ITGA2: variants seen among roughly 807,000 people sequenced by gnomAD.
ITGA2 encodes the protein integrin subunit alpha 2, also known as integrin alpha-2.
In ITGA2, 101 loss-of-function variants were observed where a neutral mutation model predicts 146.3. The ratio of observed to expected loss-of-function variants is 0.69; its 90% CI spans 0.59 to 0.81. The LOEUF (loss-of-function observed/expected upper bound fraction) is 0.81, where lower values mean the gene tolerates loss of function less well. ITGA2 is among the 40% of genes least tolerant of loss of function. The pLI is 0.00. For missense variants in ITGA2, 1,281 were observed against 1,402.7 expected (o/e 0.91, Z 1.39); for synonymous variants, 477 against 487.1 (o/e 0.98, Z 0.27).
At chr5:53,055,743 T>G in intron 8 of ITGA2, 55 bp downstream of exon 8, 1 of 1,589,434 alleles carries the variant, frequency 6.3e-7, no homozygotes, top group Non-Finnish European at 8.6e-7. Context: ...TCTTTCTTTA[T>G]AGCATCACTT....
At chr5:53,060,615 T>G (rs571682568) in intron 11 of ITGA2, among the ~76,000 whole-genome samples, 57 of 152,056 alleles carry the variant, frequency 3.7e-4, no homozygotes, top group African/African-American at 1.3e-3. Flanking sequence ...TCAAGAAATA[T>G]TTTTTGAATG....
At chr5:53,015,229 G>A (rs1561091463) in intron 1 of ITGA2, among the ~76,000 whole-genome samples, 1 of 152,014 alleles carries the variant, frequency 6.6e-6, no homozygotes, top group African/African-American at 2.4e-5. Context: ...TCATGTGTAT[G>A]TTTAGCACTA....
At chr5:53,026,933 A>G in intron 2 of ITGA2, 65 bp downstream of exon 2, 4 of 1,452,840 alleles carry the variant, frequency 2.8e-6, no homozygotes, top group African/African-American at 1.4e-5. Context: ...TTTGACTTCA[A>G]TTGCTTTTTC....
Position 52,989,503 on chromosome 5 carries a change from C to A in ITGA2, c.35C>A (p.Pro12Gln), listed in dbSNP as rs777997223. 54 of 1,613,388 alleles carry A rather than the reference C, an allele frequency of 3.3e-5. No individual in the cohort carries two copies. The highest frequency in any genetic ancestry group is 4.0e-5 in the Non-Finnish European group (47 of 1,179,814). The change falls in exon 1 of 30, where the codon CCG becomes CAG. Residue 12 changes from proline (P) to glutamine (Q), a missense_variant. Physicochemically the swap from Pro to Gln is moderately conservative, Grantham distance 76. Coordinates refer to ENST00000296585, the MANE Select transcript of ITGA2 (RefSeq NM_002203.4). ...GAACGGACAGGGGCCGCGCCGCTGC[C>A]GCTGCTGCTGGTGTTAGCGCTCAGT... ...GPERTGAAPL[P>Q]LLLVLALSQG...
chr5:52,994,047 T>C (rs765768034), intron 1 of ITGA2, among the ~76,000 whole-genome samples: 9 of 152,140 alleles, frequency 5.9e-5, no homozygotes, highest in Admixed American at 1.3e-4. Flanking sequence ...CATGAGACAA[T>C]AGACTCTGTG....
intron 17 of ITGA2, 123 bp downstream of exon 17, chr5:53,070,383 T>C (rs553790843): frequency 2.4e-6 from 2 of 840,502 alleles, no homozygotes; most frequent in East Asian, 2.6e-5. Flanking sequence ...GCCTTTCTTA[T>C]GTAATTCCAT....
At chr5:53,075,347 C>G (rs1290643817) in intron 23 of ITGA2, 43 bp downstream of exon 23, 2 of 1,503,998 alleles carry the variant, frequency 1.3e-6, no homozygotes, top group Non-Finnish European at 1.8e-6. Flanking sequence ...GACACCAACT[C>G]TAGATCAGAA....
chr5:52,991,575 C>T (rs552920561), intron 1 of ITGA2, among the ~76,000 whole-genome samples: 9 of 151,978 alleles, frequency 5.9e-5, no homozygotes, highest in East Asian at 3.9e-4. Flanking sequence ...TACAATATGC[C>T]GTGTTATGTA....
intron 1 of ITGA2, among the ~76,000 whole-genome samples, chr5:53,011,408 C>A (rs185268725): frequency 1.8e-4 from 27 of 152,282 alleles, no homozygotes; most frequent in African/African-American, 5.8e-4. Flanking sequence ...TACAAACAGA[C>A]TAAAGTACTG....
At chr5:53,044,776 C>T (rs1743992075) in intron 3 of ITGA2, among the ~76,000 whole-genome samples, 1 of 152,122 alleles carries the variant, frequency 6.6e-6, no homozygotes, top group Admixed American at 6.5e-5. Context: ...TCTCCAGAGC[C>T]CACTCCTTAC....
At chr5:53,070,360 C>T in intron 17 of ITGA2, 100 bp downstream of exon 17, 1 of 1,111,632 alleles carries the variant, frequency 9.0e-7, no homozygotes, top group Non-Finnish European at 1.4e-6. Context: ...AAATGCTCAC[C>T]CTTCCAATGA....
Position 53,091,499 on chromosome 5 carries a change from G to A in ITGA2, c.*900G>A, listed in dbSNP as rs1740419640. On this transcript the variant is annotated 3_prime_UTR_variant, in exon 30 of 30. Coordinates refer to ENST00000296585, the MANE Select transcript of ITGA2 (RefSeq NM_002203.4). ...GCAGTAACCTAGTGAATTTCTGAAA[G>A]ATGAGTAATTTCTTTGGCAACCTTC... 6.6e-6 allele frequency: 1 copy of A among 152,188 alleles called. No homozygotes were observed. The highest frequency in any genetic ancestry group is 1.5e-5 in the Non-Finnish European group (1 of 68,056). The allele number at this position is 152,188 out of a possible 1,614,324, so 9.4% of individuals were successfully genotyped here.
chr5:53,085,301 G>A (rs1746107474), intron 27 of ITGA2, among the ~76,000 whole-genome samples: 1 of 152,118 alleles, frequency 6.6e-6, no homozygotes, highest in Non-Finnish European at 1.5e-5. Flanking sequence ...GCTCCAAATT[G>A]ATGATAGAGT....
At chr5:53,069,971 A>G in intron 16 of ITGA2, 138 bp from the exon 17 acceptor site, 1 of 698,064 alleles carries the variant, frequency 1.4e-6, no homozygotes, top group South Asian at 1.7e-5. Context: ...GCTATGGTTC[A>G]CAAGCCACCA....
chr5:53,041,027 A>AT (rs1465565956), intron 2 of ITGA2, among the ~76,000 whole-genome samples: 3 of 152,154 alleles, frequency 2.0e-5, no homozygotes, highest in Admixed American at 2.0e-4. Context: ...AACATGGGGC[A>AT]TATGTTGTTT....
chr5:53,033,606 T>G (rs1188014596), intron 2 of ITGA2, among the ~76,000 whole-genome samples: 1 of 151,914 alleles, frequency 6.6e-6, no homozygotes, highest in African/African-American at 2.4e-5. Flanking sequence ...ATTAATTAAT[T>G]AATTAATTTG....
chr5:53,043,030 A>C (rs1258426222), intron 3 of ITGA2, among the ~76,000 whole-genome samples: 3 of 152,170 alleles, frequency 2.0e-5, no homozygotes, highest in African/African-American at 7.2e-5. Context: ...AATTTATGGC[A>C]CATAATAGGG....
intron 4 of ITGA2, among the ~76,000 whole-genome samples, chr5:53,045,752 G>T (rs1192704135): frequency 1.3e-5 from 2 of 151,838 alleles, no homozygotes; most frequent in Admixed American, 1.3e-4. Flanking sequence ...AAATAATATA[G>T]GAAATTGTTG....
chr5:53,035,525 A>T (rs973671614), intron 2 of ITGA2, among the ~76,000 whole-genome samples: 3 of 152,218 alleles, frequency 2.0e-5, no homozygotes, highest in African/African-American at 7.2e-5. Context: ...AGGCAGCATA[A>T]TGAGGCCTAA....
Sources: gnomAD v4.1 joint callset for allele counts (sites outside exome capture counted in the v4.1 genomes callset) on GRCh38, gnomAD v4.1.1 for gene constraint, MANE v1.5 for transcripts, NCBI Gene and HGNC (gene_info 2026-07-23, HGNC 2026-07-21) for gene names.